SMS: variants seen among roughly 807,000 people sequenced by gnomAD.
SMS encodes the protein spermine synthase, also known as spermidine aminopropyltransferase.
Under a neutral mutation model 33.0 loss-of-function variants are expected in SMS, and 3 were observed. The observed-to-expected ratio is 0.09, with a 90% CI of 0.04 to 0.23. The LOEUF is 0.23. Among genes scored for constraint, SMS ranks in the 10% least tolerant of loss-of-function variants. The probability of loss-of-function intolerance (pLI) is 1.00; values close to 1 mark genes in which losing one functional copy is unlikely to be tolerated. For synonymous variants in SMS, 103 were observed against 112.2 expected (o/e 0.92, Z 0.52); for missense variants, 117 against 288.6 (o/e 0.41, Z 4.31).
chrX:21,991,588 T>C (rs1204731831), intron 9 of SMS, among the ~76,000 whole-genome samples: 1 of 112,527 alleles, frequency 8.9e-6, no homozygotes, highest in East Asian at 2.8e-4. Context: ...CACTTTCGTT[T>C]TCTAAATTCA....
chrX:21,979,984 AAAG>A (rs983974939), intron 7 of SMS, among the ~76,000 whole-genome samples: 1 of 109,829 alleles, frequency 9.1e-6, no homozygotes, highest in African/African-American at 3.3e-5. Context: ...TAATAATAAA[AAAG>A]AAACCTTAGT....
intron 7 of SMS, 132 bp from the exon 8 acceptor site, chrX:21,984,172 G>A: frequency 1.9e-6 from 1 of 536,480 alleles, no homozygotes; most frequent in Non-Finnish European, 3.3e-6. Flanking sequence ...TTTGGTTCCT[G>A]TAGCAGTTGC....
chrX:21,991,946 A>T (rs1925786995), intron 9 of SMS, among the ~76,000 whole-genome samples: 1 of 112,042 alleles, frequency 8.9e-6, no homozygotes, highest in Non-Finnish European at 1.9e-5. Context: ...GCAGACTTCC[A>T]GTATATCTCA....
At chrX:21,961,034 C>CTTTTTTT (rs773159264) in intron 1 of SMS, among the ~76,000 whole-genome samples, 2 of 41,726 alleles carry the variant, frequency 4.8e-5, no homozygotes, top group Non-Finnish European at 8.2e-5. Flanking sequence ...ATATGCATGT[C>CTTTTTTT]TTTTTTTTTT....
intron 10 of SMS, 122 bp downstream of exon 10, chrX:21,992,834 G>A (rs1925848351): frequency 4.7e-6 from 2 of 427,328 alleles, no homozygotes; most frequent in Non-Finnish European, 8.2e-6. Context: ...ATAAAGCCCT[G>A]GTTCTCCAGC....
At chrX:21,990,717 G>A (rs5951677) in intron 9 of SMS, among the ~76,000 whole-genome samples, 14,781 of 112,284 alleles carry the variant, frequency 0.13, 1,419 homozygotes, top group African/African-American at 0.34. Context: ...AGAGTGTGGT[G>A]TCAATTTTAA....
intron 1 of SMS, among the ~76,000 whole-genome samples, chrX:21,964,568 T>A (rs1602197244): frequency 9.0e-6 from 1 of 111,145 alleles, no homozygotes; most frequent in East Asian, 2.8e-4. Context: ...CCGTTGCTTT[T>A]TCTCTTCTTC....
intron 10 of SMS, among the ~76,000 whole-genome samples, chrX:21,993,392 G>A (rs1295778693): frequency 1.8e-5 from 2 of 112,733 alleles, no homozygotes; most frequent in Non-Finnish European, 3.8e-5. Flanking sequence ...AAAGAAAAAA[G>A]GAAATGAGCA....
intron 1 of SMS, among the ~76,000 whole-genome samples, chrX:21,960,810 T>C (rs1923291321): frequency 9.0e-6 from 1 of 111,408 alleles, no homozygotes; most frequent in Non-Finnish European, 1.9e-5. Context: ...GAAAGCCCTG[T>C]GTGCTCATGG....
At chrX:21,985,032 G>T in intron 8 of SMS, 112 bp from the exon 9 acceptor site, 1 of 510,318 alleles carries the variant, frequency 2.0e-6, no homozygotes, top group South Asian at 2.5e-5. Flanking sequence ...TCTTACACTC[G>T]TGGCTCTTTT....
chrX:21,960,038 T>C, intron 1 of SMS: 1 of 241,694 alleles, frequency 4.1e-6, no homozygotes, highest in Non-Finnish European at 4.8e-6. Flanking sequence ...TGTACATCCG[T>C]GTGTGTGTGT....
At chrX:21,974,858 T>C (rs1310851987) in intron 4 of SMS, among the ~76,000 whole-genome samples, 1 of 1,103 alleles carries the variant, frequency 9.1e-4, no homozygotes, top group East Asian at 0.059. Flanking sequence ...TTGCTATCCT[T>C]TTTTTTTTTT....
At chrX:21,964,662 C>T (rs1923576863) in intron 1 of SMS, among the ~76,000 whole-genome samples, 1 of 111,750 alleles carries the variant, frequency 8.9e-6, no homozygotes, top group African/African-American at 3.3e-5. Context: ...TTTAGGGTTA[C>T]ACTCTGTCAT....
intron 6 of SMS, among the ~76,000 whole-genome samples, 162 bp from the exon 7 acceptor site, chrX:21,978,715 C>A (rs958760970): frequency 8.9e-6 from 1 of 112,474 alleles, no homozygotes; most frequent in Admixed American, 9.4e-5. Flanking sequence ...TTTTGAGTGT[C>A]CTTAGTGTGA....
intron 7 of SMS, among the ~76,000 whole-genome samples, chrX:21,981,711 C>G (rs1167658848): frequency 8.9e-6 from 1 of 111,814 alleles, no homozygotes; most frequent in Non-Finnish European, 1.9e-5. Flanking sequence ...TGCATGAGAA[C>G]CAAGTTAGCT....
Position 21,952,833 on chromosome X carries a change from C to T in SMS, c.49+11960C>T, listed in dbSNP as rs922230597. Among the ~76,000 whole-genome samples the T allele has an allele frequency of 5.5e-5, 6 of 109,640 alleles. 1 individual carries two copies. The highest frequency in any genetic ancestry group is 1.1e-4 in the Non-Finnish European group (6 of 52,727). ...TCTCAACTCACTGCAGCCTTGACCT[C>T]CAGGGCTCAGGCAATTTTCCTGCCT... On this transcript the variant is annotated intron_variant, in intron 1 of 10. Coordinates refer to ENST00000404933, the MANE Select transcript of SMS (RefSeq NM_004595.5).
chrX:21,972,761 T>G (rs1924260504), intron 4 of SMS, among the ~76,000 whole-genome samples, 190 bp downstream of exon 4: 1 of 108,816 alleles, frequency 9.2e-6, no homozygotes, highest in African/African-American at 3.4e-5. Flanking sequence ...ATACAAAAAT[T>G]AGCTGGACGT....
At chrX:21,950,134 C>T (rs1763672601) in intron 1 of SMS, among the ~76,000 whole-genome samples, 2 of 111,578 alleles carry the variant, frequency 1.8e-5, no homozygotes, top group Non-Finnish European at 3.8e-5. Context: ...AGCTCCTGGA[C>T]TCAAGGGATC....
intron 1 of SMS, among the ~76,000 whole-genome samples, chrX:21,950,681 G>A: frequency 9.2e-6 from 1 of 109,094 alleles, no homozygotes; most frequent in Non-Finnish European, 1.9e-5. Context: ...CCACTTATGA[G>A]TGAGAACATG....
Sources: allele counts gnomAD v4.1 joint callset (sites outside exome capture counted in the v4.1 genomes callset), GRCh38; gene constraint gnomAD v4.1.1; transcripts MANE v1.5; gene names NCBI Gene and HGNC (gene_info 2026-07-23, HGNC 2026-07-21).